Variants in LCOR observed in about 807,000 individuals in gnomAD.
LCOR encodes the protein ligand dependent nuclear receptor corepressor.
Under a neutral mutation model 64.4 loss-of-function variants are expected in LCOR, and 14 were observed. The ratio of observed to expected loss-of-function variants is 0.22; its 90% CI spans 0.14 to 0.34. The LOEUF (loss-of-function observed/expected upper bound fraction) is 0.34. LCOR is among the 10% of genes least tolerant of loss of function. The pLI, the probability that LCOR is intolerant of heterozygous loss-of-function variation, is 1.00. For missense variants in LCOR, 1,686 were observed against 1,765.3 expected, an observed-to-expected ratio of 0.96 and a Z score of 0.80; for synonymous variants, 643 against 642.5, an observed-to-expected ratio of 1.00 and a Z score of -0.01.
intron 7 of LCOR, among the ~76,000 whole-genome samples, chr10:96,966,031 ACTTTTT>A (rs1463171387): frequency 6.6e-6 from 1 of 151,982 alleles, no homozygotes; most frequent in African/African-American, 2.4e-5. Flanking sequence ...TAAAGAAAGG[ACTTTTT>A]CTTTTAAACT....
chr10:96,920,660 A>ATTCATATATG (rs1847052063), intron 4 of LCOR, among the ~76,000 whole-genome samples: 9 of 135,052 alleles, frequency 6.7e-5, no homozygotes, highest in African/African-American at 2.6e-4. Flanking sequence ...ATGTGTATAT[A>ATTCATATATG]TGTATATATG....
chr10:96,892,512 T>A (rs570625321), intron 2 of LCOR, among the ~76,000 whole-genome samples: 64 of 152,284 alleles, frequency 4.2e-4, no homozygotes, highest in African/African-American at 1.5e-3. Context: ...GATGACTGTC[T>A]TTTTGCTATG....
At chr10:96,916,055 G>A (rs1257364772) in intron 4 of LCOR, among the ~76,000 whole-genome samples, 2 of 151,882 alleles carry the variant, frequency 1.3e-5, no homozygotes, top group Non-Finnish European at 2.9e-5. Context: ...ATTTAGAGAC[G>A]GAGTCTCGTT....
chr10:96,917,430 G>T (rs900558702), intron 4 of LCOR, among the ~76,000 whole-genome samples: 1 of 152,194 alleles, frequency 6.6e-6, no homozygotes, highest in African/African-American at 2.4e-5. Context: ...TCTCATATAT[G>T]CAGGGAACAT....
At chr10:96,957,767 C>A in intron 7 of LCOR, 1 of 985,432 alleles carries the variant, frequency 1.0e-6, no homozygotes. Context: ...ATTGCTGTTA[C>A]TAAAATACAT....
At chr10:96,884,109 A>C (rs926874233) in intron 2 of LCOR, among the ~76,000 whole-genome samples, 2 of 152,144 alleles carry the variant, frequency 1.3e-5, no homozygotes, top group African/African-American at 4.8e-5. Flanking sequence ...AAGATTCAGG[A>C]GGTCAAAACT....
In LCOR at chr10:96,984,414, A is replaced by G. The variant is rs1564646635; in HGVS notation, c.3954A>G (p.Gly1318=). 2 of 1,614,108 alleles carry G rather than the reference A, an allele frequency of 1.2e-6. No individual in the cohort carries two copies. Among genetic ancestry groups the G allele is most frequent in the South Asian group, 1.1e-5 (1 of 91,086 alleles). The part of the protein sequence containing the change: ...RILRKYSNIR[G]KLRAQQRLIK... Reference sequence around the variant, plus strand: ...TTAGAAAATATTCCAATATTCGAGGAAAGCTCAGAGCCCAGCAACGTTTAA... The same window carrying G: ...TTAGAAAATATTCCAATATTCGAGGGAAGCTCAGAGCCCAGCAACGTTTAA... The change falls in exon 8 of 8, where the codon GGA becomes GGG. Residue 1318 remains glycine, a synonymous_variant. Coordinates refer to ENST00000421806, the MANE Select transcript of LCOR (RefSeq NM_001346516.2).
chr10:96,861,246 T>C (rs1414723186), intron 2 of LCOR, among the ~76,000 whole-genome samples: 2 of 152,170 alleles, frequency 1.3e-5, no homozygotes, highest in African/African-American at 2.4e-5. Context: ...TAAATACATA[T>C]GCTTTCCCTT....
intron 4 of LCOR, among the ~76,000 whole-genome samples, chr10:96,910,971 A>G (rs576584785): frequency 6.6e-6 from 1 of 152,324 alleles, no homozygotes; most frequent in South Asian, 2.1e-4. Flanking sequence ...TCACCTAGAG[A>G]TTAGTAAAAA....
intron 4 of LCOR, among the ~76,000 whole-genome samples, chr10:96,942,087 A>G (rs922409002): frequency 7.2e-6 from 1 of 139,588 alleles, no homozygotes; most frequent in Admixed American, 7.2e-5. Context: ...GGGCCAAGGC[A>G]GGCGGCTGGG....
chr10:96,862,174 A>G (rs1025527977), intron 2 of LCOR, among the ~76,000 whole-genome samples: 2 of 151,706 alleles, frequency 1.3e-5, no homozygotes, highest in Non-Finnish European at 2.9e-5. Context: ...TGGGCACACT[A>G]CTCTCCAGGA....
Position 96,877,516 on chromosome 10 carries a change from C to A in LCOR, c.-329-29749C>A, listed in dbSNP as rs187770249. Among the ~76,000 whole-genome samples, 488 of 150,826 alleles carry A rather than the reference C, an allele frequency of 3.2e-3. 3 individuals are homozygous for A. The highest frequency in any genetic ancestry group is 0.011 in the African/African-American group (469 of 41,056). ...TCCAGCCTGGGTGAGTGAGTGAGAT[C>A]CTGTCTCAAAAAAATAAGTAAAATA... On this transcript the variant is annotated intron_variant, in intron 2 of 7. Transcript: ENST00000421806.
At chr10:96,875,877 A>G (rs1846155852) in intron 2 of LCOR, among the ~76,000 whole-genome samples, 1 of 152,146 alleles carries the variant, frequency 6.6e-6, no homozygotes, top group Non-Finnish European at 1.5e-5. Context: ...GAAAAAAACA[A>G]CAAAAAACAC....
intron 4 of LCOR, among the ~76,000 whole-genome samples, chr10:96,940,844 C>CG (rs1247265861): frequency 6.6e-6 from 1 of 150,432 alleles, no homozygotes; most frequent in Admixed American, 6.6e-5. Context: ...ACCTCCCAGA[C>CG]GGGGTCGTGG....
rs138855271 is a variant in LCOR at position 96,920,348 on chromosome 10, C to T, written c.-184+12601C>T. 2.3e-4 allele frequency among the ~76,000 whole-genome samples: 34 copies of T among 148,162 alleles called. No homozygotes were observed. The East Asian group carries it at 5.5e-3, about 24-fold the overall frequency. ...CAAGTTCTTTGCCCATTTTTGAATT[C>T]GGTTGTTTCTTGTTAAATTGTAGTT... is the stretch of plus-strand genomic sequence containing the variant. On this transcript the variant is annotated intron_variant, in intron 4 of 7. Transcript: ENST00000421806.
chr10:96,971,107 C>G (rs907050548), intron 7 of LCOR, among the ~76,000 whole-genome samples: 1 of 152,068 alleles, frequency 6.6e-6, no homozygotes, highest in African/African-American at 2.4e-5. Context: ...GTTTTAAAGC[C>G]ATTATGTAAA....
At chr10:96,864,160 G>T (rs1435743548) in intron 2 of LCOR, among the ~76,000 whole-genome samples, 6 of 152,232 alleles carry the variant, frequency 3.9e-5, no homozygotes, top group African/African-American at 1.4e-4. Context: ...GAGATTAAAG[G>T]TTATAAGAAT....
At chr10:96,909,149 A>G (rs769171601) in intron 4 of LCOR, among the ~76,000 whole-genome samples, 4 of 152,082 alleles carry the variant, frequency 2.6e-5, no homozygotes, top group African/African-American at 9.7e-5. Context: ...AGTCTCTTAA[A>G]TATTCCTACA....
chr10:96,920,762 A>ACC (rs1847063692), intron 4 of LCOR, among the ~76,000 whole-genome samples: 1 of 121,190 alleles, frequency 8.3e-6, no homozygotes, highest in South Asian at 2.5e-4. Flanking sequence ...ACACACACAC[A>ACC]CACACACACA....
Sources: gnomAD v4.1 joint callset for allele counts (sites outside exome capture counted in the v4.1 genomes callset) on GRCh38, gnomAD v4.1.1 for gene constraint, MANE v1.5 for transcripts, NCBI Gene and HGNC (gene_info 2026-07-23, HGNC 2026-07-21) for gene names.